TAF15: variants seen among roughly 807,000 people sequenced by gnomAD.
The protein encoded by TAF15 is TATA-box binding protein associated factor 15, also known as TATA-binding protein-associated factor 2N.
A neutral mutation model predicts 102.5 loss-of-function variants in TAF15; 37 were observed. The ratio of observed to expected loss-of-function variants is 0.36; its 90% confidence interval spans 0.28 to 0.47. The LOEUF (loss-of-function observed/expected upper bound fraction) is 0.47, where lower values mean the gene tolerates loss of function less well. Ranked by LOEUF, TAF15 falls within the 20% of genes least tolerant of loss-of-function variation. The pLI is 0.99. For missense variants in TAF15, 652 were observed against 760.7 expected (o/e 0.86, Z 1.68); for synonymous variants, 273 against 259.2 (o/e 1.05, Z -0.51).
intron 10 of TAF15, 120 bp downstream of exon 10, chr17:35,836,361 A>G (rs2087474888): frequency 5.7e-6 from 4 of 698,442 alleles, no homozygotes; most frequent in South Asian, 1.7e-5. Flanking sequence ...TGTGATGCAC[A>G]TGCTCGTTTA....
At chr17:35,837,118 G>A (rs1202023078) in intron 10 of TAF15, among the ~76,000 whole-genome samples, 1 of 151,714 alleles carries the variant, frequency 6.6e-6, no homozygotes, top group Non-Finnish European at 1.5e-5. Context: ...ATTTGTTAAG[G>A]AATTAATTAC....
intron 8 of TAF15, chr17:35,834,234 G>C (rs545748074): frequency 5.2e-6 from 2 of 382,996 alleles, no homozygotes; most frequent in Admixed American, 8.2e-5. Context: ...TTGACAATTT[G>C]TTCTTATAAA....
chr17:35,835,472 G>C (rs1251019808), intron 9 of TAF15, among the ~76,000 whole-genome samples: 1 of 152,206 alleles, frequency 6.6e-6, no homozygotes, highest in African/African-American at 2.4e-5. Context: ...AAATCTATTT[G>C]AGCTAAAAAT....
At chr17:35,827,570 A>G (rs2087346531) in intron 7 of TAF15, among the ~76,000 whole-genome samples, 1 of 151,776 alleles carries the variant, frequency 6.6e-6, no homozygotes, top group Non-Finnish European at 1.5e-5. Context: ...GCTGGACACG[A>G]TGGTGGGTGC....
At chr17:35,826,501 CAG>C (rs796751378) in intron 7 of TAF15, among the ~76,000 whole-genome samples, 1,923 of 151,872 alleles carry the variant, frequency 0.013, 45 homozygotes, top group African/African-American at 0.044. Flanking sequence ...AATGAATAAA[CAG>C]AGTTGTGTTC....
At chr17:35,829,518 G>C (rs1322957343) in intron 7 of TAF15, among the ~76,000 whole-genome samples, 1 of 149,304 alleles carries the variant, frequency 6.7e-6, no homozygotes, top group Admixed American at 6.7e-5. Flanking sequence ...TGTAGTCCCA[G>C]CTACTCGGGA....
intron 12 of TAF15, among the ~76,000 whole-genome samples, chr17:35,843,272 C>A (rs939620035): frequency 6.6e-6 from 1 of 152,092 alleles, no homozygotes; most frequent in Middle Eastern, 3.4e-3. Context: ...TACAGGCATG[C>A]GCCACCATGC....
At chr17:35,846,007 T>C (rs2087619460) in intron 15 of TAF15, among the ~76,000 whole-genome samples, 1 of 152,206 alleles carries the variant, frequency 6.6e-6, no homozygotes, top group Admixed American at 6.5e-5. Context: ...TGATAACTTT[T>C]CCAGATGAAA....
chr17:35,816,426 G>C (rs763237503), intron 1 of TAF15, among the ~76,000 whole-genome samples: 1 of 152,216 alleles, frequency 6.6e-6, no homozygotes, highest in Non-Finnish European at 1.5e-5. Context: ...CTCAAGTCTA[G>C]GAGTGAGCTG....
chr17:35,824,089 GA>G lies in TAF15; in HGVS notation c.497del (p.Asp166ValfsTer2). 6.2e-7 allele frequency: 1 copy of G among 1,614,152 alleles called. No homozygotes were observed. The highest frequency in any genetic ancestry group is 1.1e-5 in the South Asian group (1 of 91,082). On this transcript the variant is annotated frameshift_variant, in exon 7 of 16. Coordinates refer to ENST00000605844, the MANE Select transcript of TAF15 (RefSeq NM_139215.3). LOFTEE classifies it high-confidence loss of function. ...TTTCTTTTTTGTAGATGACCGTCGTGATGTGAGTAGGTATGGAGAAGATAAT... is the reference window on the plus strand; with the variant it reads ...TTTCTTTTTTGTAGATGACCGTCGTGTGTGAGTAGGTATGGAGAAGATAAT... ...YSHHTQDDRR[D>X]VSRYGEDNRG...
At chr17:35,809,959 T>C (rs1258222712) in intron 1 of TAF15, 2 of 381,194 alleles carry the variant, frequency 5.2e-6, no homozygotes, top group Admixed American at 4.1e-5. Context: ...CCGCTCCGCC[T>C]CGGATCTTTC....
In TAF15 at chr17:35,820,258, G is replaced by C; in HGVS notation, c.184+10G>C. 6.2e-7 allele frequency: 1 copy of C among 1,614,008 alleles called. No homozygotes were observed. The highest frequency in any genetic ancestry group is 8.5e-7 in the Non-Finnish European group (1 of 1,179,902). ...GGACAAAGTCAGTCAGGTTGGACTA[G>C]TTTGTTAAATTTGTTGTTTCAGAGA... is the stretch of plus-strand genomic sequence containing the variant. On this transcript the variant is annotated intron_variant, in intron 4 of 15. Transcript: ENST00000605844.
At chr17:35,817,816 C>T (rs904530684) in intron 2 of TAF15, 61 bp downstream of exon 2, 18 of 1,434,862 alleles carry the variant, frequency 1.3e-5, no homozygotes, top group Non-Finnish European at 1.8e-5. Flanking sequence ...TTTTGTCAAG[C>T]TTCTTCTCTT....
In TAF15 at chr17:35,820,380, A is replaced by G. The variant is rs770695906; in HGVS notation, c.233A>G (p.Tyr78Cys). 4 of 1,614,004 alleles carry G rather than the reference A, an allele frequency of 2.5e-6. No homozygotes were observed. The highest frequency in any genetic ancestry group is 2.7e-5 in the African/African-American group (2 of 74,936). Reference protein sequence around the residue: ...GGYENQKQSSYSQQPYNNQGQ... With the variant: ...GGYENQKQSSCSQQPYNNQGQ... ...TATGAGAATCAAAAGCAGAGCTCAT[A>G]TAGCCAGCAACCATATAATAACCAG... Residue 78 changes from tyrosine (Y) to cysteine (C), a missense_variant, in exon 5 of 16, where the codon TAT becomes TGT. Tyr to Cys is a radical substitution (Grantham distance 194). Coordinates refer to ENST00000605844, the MANE Select transcript of TAF15 (RefSeq NM_139215.3).
intron 7 of TAF15, among the ~76,000 whole-genome samples, chr17:35,825,137 A>G (rs991877193): frequency 5.9e-5 from 9 of 152,232 alleles, no homozygotes; most frequent in Non-Finnish European, 1.5e-5. Context: ...GACCTGAGAA[A>G]CAACCAGTTG....
chr17:35,831,230 G>A lies in TAF15; in HGVS notation c.606-2677G>A, dbSNP rs975761383. ...ATCCTGGCTAACACGGTGAAACCCC[G>A]TCTCTACTAAAAATACAAAAACAAA... On this transcript the variant is annotated intron_variant, in intron 7 of 15. Coordinates refer to ENST00000605844, the MANE Select transcript of TAF15 (RefSeq NM_139215.3). 7.2e-5 allele frequency among the ~76,000 whole-genome samples: 11 copies of A among 151,956 alleles called. No homozygotes were observed. The East Asian group carries it at 9.6e-4, about 13-fold the overall frequency.
chr17:35,827,599 G>A (rs576148398), intron 7 of TAF15, among the ~76,000 whole-genome samples: 4 of 152,106 alleles, frequency 2.6e-5, no homozygotes, highest in South Asian at 2.1e-4. Context: ...CCAGCTACTC[G>A]GGAGGCTGAG....
chr17:35,815,489 G>A (rs75775357), intron 1 of TAF15, among the ~76,000 whole-genome samples: 3,251 of 152,236 alleles, frequency 0.021, 67 homozygotes, highest in East Asian at 0.11. Flanking sequence ...TAATTTCAGA[G>A]GGCTGAAATG....
At chr17:35,812,071 C>T (rs768421173) in intron 1 of TAF15, among the ~76,000 whole-genome samples, 71 of 152,074 alleles carry the variant, frequency 4.7e-4, no homozygotes, top group Non-Finnish European at 9.0e-4. Flanking sequence ...ATAAAACGTA[C>T]GGACCATTAA....
Sources: gnomAD v4.1 joint callset for allele counts (sites outside exome capture counted in the v4.1 genomes callset) on GRCh38, gnomAD v4.1.1 for gene constraint, MANE v1.5 for transcripts, NCBI Gene and HGNC (gene_info 2026-07-23, HGNC 2026-07-21) for gene names.